VNN1: variants seen among roughly 807,000 people sequenced by gnomAD.
VNN1 encodes the protein vanin 1, also known as pantetheinase.
Under a neutral mutation model 41.9 loss-of-function variants are expected in VNN1, and 29 were observed. The ratio of observed to expected loss-of-function variants is 0.69; its 90% CI spans 0.52 to 0.94. The LOEUF (loss-of-function observed/expected upper bound fraction) is 0.94, where lower values mean the gene tolerates loss of function less well. VNN1 is among the 40% of genes least tolerant of loss of function. The pLI is 0.00. For missense variants in VNN1, 637 were observed against 621.1 expected (o/e 1.03, Z -0.27); for synonymous variants, 233 against 224.4 (o/e 1.04, Z -0.34).
chr6:132,693,438 T>C (rs1051863246), intron 3 of VNN1, 123 bp from the exon 4 acceptor site: 34 of 1,087,788 alleles, frequency 3.1e-5, no homozygotes, highest in Non-Finnish European at 4.1e-5. Context: ...AGTGTTTTCA[T>C]GGGAAATGAG....
chr6:132,708,802 TA>T (rs1778554181), intron 2 of VNN1, among the ~76,000 whole-genome samples: 1 of 152,186 alleles, frequency 6.6e-6, no homozygotes, highest in Non-Finnish European at 1.5e-5. Flanking sequence ...TGGTGACCTA[TA>T]CCCTGGAGTC....
At chr6:132,691,659 T>C (rs1303597008) in intron 5 of VNN1, among the ~76,000 whole-genome samples, 1 of 152,130 alleles carries the variant, frequency 6.6e-6, no homozygotes, top group Admixed American at 6.5e-5. Flanking sequence ...TGTCCTGCCT[T>C]TTCCCAATCA....
In VNN1 at chr6:132,693,153, C is replaced by T. The variant is rs778753048; in HGVS notation, c.697G>A (p.Val233Ile). Residue 233 changes from valine (V) to isoleucine (I), a missense_variant, in exon 4 of 7, where the codon GTA (valine) becomes ATA (isoleucine). Transcript: ENST00000367928. ...ACATTCATCCAAGCTGTTGGGAATACTATGGTGTCCACGTGGAAATCTTTC... is the reference window on the plus strand; with the variant it reads ...ACATTCATCCAAGCTGTTGGGAATATTATGGTGTCCACGTGGAAATCTTTC... ...LVKDFHVDTI[V>I]FPTAWMNVLP... is the part of the protein sequence containing the mutation. 6.2e-7 allele frequency: 1 copy of T among 1,614,086 alleles called. No homozygotes were observed. Among genetic ancestry groups the T allele is most frequent in the South Asian group, 1.1e-5 (1 of 91,078 alleles).
Position 132,684,372 on chromosome 6 carries a change from A to T in VNN1, c.1322T>A (p.Leu441Ter), listed in dbSNP as rs772561127. 1.9e-6 allele frequency: 3 copies of T among 1,613,632 alleles called. No individual in the cohort carries two copies. The South Asian group carries it at 3.3e-5, about 18-fold the overall frequency. Reference protein sequence around the residue: ...FGTQYVFPEVLLSENQLAPGE... With the variant: ...FGTQYVFPEV ...AGGTGCAAGCTGATTTTCACTCAGC[A>T]ACACCTCAGGAAAGACATACTGGGT... The change falls in exon 6 of 7, where the codon TTG becomes TAG. Residue 441 changes from leucine to a stop codon, truncating the protein, a stop_gained. Coordinates refer to ENST00000367928, the MANE Select transcript of VNN1 (RefSeq NM_004666.3). LOFTEE classifies it low-confidence loss of function (END_TRUNC).
At chr6:132,708,295 T>C (rs1778548483) in intron 2 of VNN1, among the ~76,000 whole-genome samples, 1 of 152,204 alleles carries the variant, frequency 6.6e-6, no homozygotes, top group Non-Finnish European at 1.5e-5. Flanking sequence ...TTTACCATGA[T>C]GCCTCATAAC....
chr6:132,692,612 T>C (rs767793428), intron 4 of VNN1, 28 bp from the exon 5 acceptor site: 2 of 1,527,268 alleles, frequency 1.3e-6, no homozygotes, highest in Non-Finnish European at 1.7e-6. Flanking sequence ...AAAACATCAT[T>C]TGAAATTGGA....
At chr6:132,697,679 A>G (rs1439962152) in intron 2 of VNN1, among the ~76,000 whole-genome samples, 1 of 151,600 alleles carries the variant, frequency 6.6e-6, no homozygotes, top group Non-Finnish European at 1.5e-5. Context: ...TCTACAAACA[A>G]ATTTGTATAA....
intron 2 of VNN1, among the ~76,000 whole-genome samples, chr6:132,695,015 G>T (rs1183288726): frequency 1.3e-5 from 2 of 152,112 alleles, no homozygotes; most frequent in Non-Finnish European, 2.9e-5. Flanking sequence ...AGCTGGGCCT[G>T]GTGGCGTGCG....
intron 2 of VNN1, chr6:132,699,419 A>C (rs1046397442): frequency 2.4e-5 from 4 of 166,382 alleles, no homozygotes; most frequent in African/African-American, 4.8e-5. Context: ...TTGGAGATCC[A>C]AAAACAGAAG....
chr6:132,703,795 T>C (rs1426594377), intron 2 of VNN1, among the ~76,000 whole-genome samples: 2 of 151,984 alleles, frequency 1.3e-5, no homozygotes, highest in African/African-American at 4.8e-5. Context: ...TCAATGGCAA[T>C]GGTCGATTGT....
In VNN1 at chr6:132,681,691, A is replaced by G. The variant is rs903534687; in HGVS notation, c.*1449T>C. 1 of 152,646 alleles carries G rather than the reference A, an allele frequency of 6.6e-6. No homozygotes were observed. Among genetic ancestry groups the G allele is most frequent in the Non-Finnish European group, 1.5e-5 (1 of 68,044 alleles). The allele number at this position is 152,646 out of a possible 1,614,324, so 9.5% of individuals were successfully genotyped here. A position where few individuals can be genotyped will look rare whatever the true frequency, so the allele number is the denominator to read the frequency against. ...GAGAATACAGAGAATTGCTCTGAGG[A>G]TTCCTGTTTCTAAATACATTATGGG... is the stretch of plus-strand genomic sequence containing the variant. On this transcript the variant is annotated 3_prime_UTR_variant, in exon 7 of 7. Coordinates refer to ENST00000367928, the MANE Select transcript of VNN1 (RefSeq NM_004666.3).
chr6:132,705,044 C>T (rs1230337350), intron 2 of VNN1, among the ~76,000 whole-genome samples: 1 of 151,048 alleles, frequency 6.6e-6, no homozygotes, highest in Non-Finnish European at 1.5e-5. Context: ...AATAAAAGAT[C>T]TCCCAGCAAA....
chr6:132,707,747 A>G (rs73546606), intron 2 of VNN1, among the ~76,000 whole-genome samples: 5,758 of 152,250 alleles, frequency 0.038, 354 homozygotes, highest in African/African-American at 0.13. Flanking sequence ...GAGATAGAGA[A>G]TAGAAAGATG....
Position 132,683,076 on chromosome 6 carries a change from T to C in VNN1, c.*64A>G. On this transcript the variant is annotated 3_prime_UTR_variant, in exon 7 of 7. Transcript: ENST00000367928. ...AGAGGATAATATTAACCCGGACCAATCTTTCTTTTCTCATCCATCATTTTT... is the reference window on the plus strand; with the variant it reads ...AGAGGATAATATTAACCCGGACCAACCTTTCTTTTCTCATCCATCATTTTT... 1 of 1,469,240 alleles carries C rather than the reference T, an allele frequency of 6.8e-7. No homozygotes were observed. The highest frequency in any genetic ancestry group is 2.2e-4 in the Middle Eastern group (1 of 4,598). 91.0% of individuals were successfully genotyped at this position (1,469,240 alleles called of 1,614,324 possible). A position where few individuals can be genotyped will look rare whatever the true frequency, so the allele number is the denominator to read the frequency against.
intron 2 of VNN1, among the ~76,000 whole-genome samples, chr6:132,705,029 G>A (rs959751038): frequency 2.6e-5 from 4 of 151,710 alleles, no homozygotes; most frequent in Non-Finnish European, 5.9e-5. Flanking sequence ...TAAGATTGAA[G>A]CTGTAATAAA....
intron 2 of VNN1, among the ~76,000 whole-genome samples, chr6:132,710,621 T>A (rs956673241): frequency 1.3e-5 from 2 of 152,052 alleles, no homozygotes; most frequent in African/African-American, 4.8e-5. Flanking sequence ...GAACATGCAG[T>A]GTTTTGTTTT....
chr6:132,706,746 C>T (rs774707741), intron 2 of VNN1, among the ~76,000 whole-genome samples: 2 of 151,404 alleles, frequency 1.3e-5, no homozygotes, highest in Admixed American at 6.6e-5. Context: ...AAAATATGTG[C>T]AAACTATCCA....
At chr6:132,703,273 A>C (rs1778473518) in intron 2 of VNN1, among the ~76,000 whole-genome samples, 1 of 152,258 alleles carries the variant, frequency 6.6e-6, no homozygotes, top group Admixed American at 6.5e-5. Flanking sequence ...ATAACTCTGT[A>C]ATTGTGGTGT....
rs555437906 is a variant in VNN1 at position 132,692,040 on chromosome 6, C to T, written c.1188+183G>A. 8.6e-5 allele frequency among the ~76,000 whole-genome samples: 13 copies of T among 151,904 alleles called. No individual in the cohort carries two copies. In the East Asian group the frequency reaches 2.1e-3, roughly 25 times the overall value. On this transcript the variant is annotated intron_variant, in intron 5 of 6. Transcript: ENST00000367928. ...AAAAAGATTTAGCAAATAAATTTAG[C>T]CTGTATTTGTAGGCTTCCCAGCTAA...
Sources: allele counts gnomAD v4.1 joint callset (sites outside exome capture counted in the v4.1 genomes callset), GRCh38; gene constraint gnomAD v4.1.1; transcripts MANE v1.5; gene names NCBI Gene and HGNC (gene_info 2026-07-23, HGNC 2026-07-21).